HSD17B12: variants seen among roughly 807,000 people sequenced by gnomAD.
HSD17B12 encodes the protein hydroxysteroid 17-beta dehydrogenase 12, also known as very-long-chain 3-oxoacyl-CoA reductase.
In HSD17B12, 32 loss-of-function variants were observed where a neutral mutation model predicts 39.3. The ratio of observed to expected loss-of-function variants is 0.81; its 90% CI spans 0.61 to 1.09. The LOEUF is 1.09. Among genes scored for constraint, HSD17B12 ranks in the 50% least tolerant of loss-of-function variants. The probability of loss-of-function intolerance (pLI) is 0.00; values close to 1 mark genes in which losing one functional copy is unlikely to be tolerated. For synonymous variants in HSD17B12, 150 were observed against 146.7 expected (o/e 1.02, Z -0.16); for missense variants, 342 against 382.9 (o/e 0.89, Z 0.89).
intron 1 of HSD17B12, among the ~76,000 whole-genome samples, chr11:43,694,881 A>C (rs1949895901): frequency 6.6e-6 from 1 of 152,110 alleles, no homozygotes; most frequent in Non-Finnish European, 1.5e-5. Flanking sequence ...TCTTAAGGTC[A>C]TGCATTTTGG....
At chr11:43,850,937 T>C (rs978014926) in intron 9 of HSD17B12, among the ~76,000 whole-genome samples, 3 of 152,130 alleles carry the variant, frequency 2.0e-5, no homozygotes, top group Non-Finnish European at 2.9e-5. Context: ...GGCAGGCGCC[T>C]GTAATCGCAG....
chr11:43,577,688 C>T, the HSD17B12 span, among the ~76,000 whole-genome samples: 2,375 of 152,222 alleles, frequency 0.016, 58 homozygotes, highest in African/African-American at 0.054. Context: ...TATTATTCCC[C>T]CCTTTTCGCA....
At position 43,831,124 on chromosome 11, in the gene HSD17B12, T is replaced by TCTTA. The variant is rs750879025; in HGVS notation, c.536+115_536+118dup. The stretch of plus-strand genomic sequence containing the variant: ...GTGACTAATGAACCAAGCCTCCATG[T>TCTTA]CTTAGCCACAGAGTGATGTACCAGG... On this transcript the variant is annotated intron_variant, in intron 7 of 10. Transcript: ENST00000278353. The surrounding 1 kb of genome is among the most constrained non-coding windows in gnomAD (Gnocchi z 4.1). The TCTTA allele has an allele frequency of 2.4e-5, 23 of 946,704 alleles. No individual in the cohort carries two copies. The highest frequency in any genetic ancestry group is 5.0e-5 in the African/African-American group (3 of 60,048). The allele number at this position is 946,704 out of a possible 1,614,324, so 58.6% of individuals were successfully genotyped here.
intron 3 of HSD17B12, among the ~76,000 whole-genome samples, chr11:43,768,527 TTGAG>T (rs1443715248): frequency 6.6e-6 from 1 of 152,080 alleles, no homozygotes; most frequent in South Asian, 2.1e-4. Context: ...GAGGTTCCCC[TTGAG>T]TGTTATATAG....
the HSD17B12 span, among the ~76,000 whole-genome samples, chr11:43,615,711 A>G: frequency 5.9e-5 from 9 of 152,204 alleles, no homozygotes; most frequent in Non-Finnish European, 1.0e-4. Context: ...CTTCAGTTTT[A>G]TATGTGTTTA....
At chr11:43,619,202 T>TATATATATAAAATATATATATG in the HSD17B12 span, among the ~76,000 whole-genome samples, 1 of 53,820 alleles carries the variant, frequency 1.9e-5, no homozygotes, top group African/African-American at 6.5e-5. Flanking sequence ...ATATATGATA[T>TATATATATAAAATATATATATG]ATATATATAT....
At chr11:43,779,552 C>T (rs567313547) in intron 3 of HSD17B12, among the ~76,000 whole-genome samples, 2 of 152,120 alleles carry the variant, frequency 1.3e-5, no homozygotes, top group African/African-American at 4.8e-5. Flanking sequence ...GCCCGAGATA[C>T]CTTGCTGTCT....
chr11:43,832,701 C>T (rs117627355), intron 7 of HSD17B12, among the ~76,000 whole-genome samples: 1 of 152,068 alleles, frequency 6.6e-6, no homozygotes. Flanking sequence ...TTTAGTCAAG[C>T]GTCTCAAGGA....
the HSD17B12 span, among the ~76,000 whole-genome samples, chr11:43,563,921 T>TC: frequency 6.6e-6 from 1 of 152,090 alleles, no homozygotes; most frequent in African/African-American, 2.4e-5. Context: ...TCTTTTTTTT[T>TC]CTTTTTTTTT....
chr11:43,735,196 A>G (rs1459044862), intron 1 of HSD17B12, among the ~76,000 whole-genome samples: 6 of 152,064 alleles, frequency 3.9e-5, no homozygotes, highest in African/African-American at 1.4e-4. Flanking sequence ...AGTTGTTTCT[A>G]CCTTTTGGCT....
chr11:43,651,059 G>A, the HSD17B12 span, among the ~76,000 whole-genome samples: 1 of 152,150 alleles, frequency 6.6e-6, no homozygotes, highest in Admixed American at 6.5e-5. Flanking sequence ...AGAAGCAAAA[G>A]ACTACATATA....
intron 1 of HSD17B12, among the ~76,000 whole-genome samples, chr11:43,693,702 G>C (rs1949884536): frequency 6.6e-6 from 1 of 152,136 alleles, no homozygotes; most frequent in Non-Finnish European, 1.5e-5. Context: ...TTAAATACCA[G>C]TGTAAAAAAA....
intron 8 of HSD17B12, 28 bp from the exon 9 acceptor site, chr11:43,839,971 T>C (rs1951409062): frequency 6.3e-7 from 1 of 1,583,260 alleles, no homozygotes; most frequent in African/African-American, 1.4e-5. Flanking sequence ...ATGTGTGTGT[T>C]TTCTTCTCAC....
At chr11:43,596,107 T>TCTCACTATG in the HSD17B12 span, among the ~76,000 whole-genome samples, 2 of 152,146 alleles carry the variant, frequency 1.3e-5, no homozygotes, top group Non-Finnish European at 2.9e-5. Flanking sequence ...GCCAGGCTGG[T>TCTCACTATG]CTGAAACTCC....
chr11:43,855,341 C>T lies in HSD17B12; in HGVS notation c.*93C>T, dbSNP rs755397213. 1.6e-4 allele frequency: 104 copies of T among 655,198 alleles called. No individual in the cohort carries two copies. Among genetic ancestry groups the T allele is most frequent in the Non-Finnish European group, 2.5e-4 (97 of 389,352 alleles). 40.6% of individuals were successfully genotyped at this position (655,198 alleles called of 1,614,324 possible). Reference sequence around the variant, plus strand: ...ACTGGTTTTGAAAATCTGACCTTGTCATTTCAATAGTTATTAACATGACTA... The same window carrying T: ...ACTGGTTTTGAAAATCTGACCTTGTTATTTCAATAGTTATTAACATGACTA... On this transcript the variant is annotated 3_prime_UTR_variant, in exon 11 of 11. Coordinates refer to ENST00000278353, the MANE Select transcript of HSD17B12 (RefSeq NM_016142.3).
At chr11:43,639,523 CT>C in the HSD17B12 span, among the ~76,000 whole-genome samples, 1 of 152,046 alleles carries the variant, frequency 6.6e-6, no homozygotes, top group Admixed American at 6.6e-5. Flanking sequence ...GCACTCAAGC[CT>C]TTAGTCTGGG....
At chr11:43,643,252 AG>A in the HSD17B12 span, among the ~76,000 whole-genome samples, 55 of 152,138 alleles carry the variant, frequency 3.6e-4, no homozygotes, top group African/African-American at 1.3e-3. Flanking sequence ...ATGTACAAAC[AG>A]GATATTGAAC....
chr11:43,790,880 G>C (rs1229809136), intron 3 of HSD17B12, among the ~76,000 whole-genome samples: 2 of 152,100 alleles, frequency 1.3e-5, no homozygotes, highest in African/African-American at 4.8e-5. Context: ...TGTAATCCCA[G>C]CTACTCGGAA....
intron 3 of HSD17B12, among the ~76,000 whole-genome samples, chr11:43,770,148 T>C (rs1950635174): frequency 6.6e-6 from 1 of 152,222 alleles, no homozygotes; most frequent in African/African-American, 2.4e-5. Context: ...CCATCTGATA[T>C]GTCTCAAACA....
Sources: gnomAD v4.1 joint callset for allele counts (sites outside exome capture counted in the v4.1 genomes callset) on GRCh38, gnomAD v4.1.1 for gene constraint, Gnocchi (gnomAD v3.1) non-coding constraint, MANE v1.5 for transcripts, NCBI Gene and HGNC (gene_info 2026-07-23, HGNC 2026-07-21) for gene names.